CLCN5: variants seen among roughly 807,000 people sequenced by gnomAD.
The protein encoded by CLCN5 is Cl-/H+ antiporter 5.
CLCN5 carries 17 observed loss-of-function variants against 54.0 expected under a neutral mutation model. The observed-to-expected ratio is 0.31, with a 90% CI of 0.22 to 0.47. The LOEUF is 0.47. CLCN5 is among the 20% of genes least tolerant of loss of function. CLCN5 has a pLI of 1.00. For missense variants in CLCN5, 448 were observed against 646.7 expected, an observed-to-expected ratio of 0.69 and a Z score of 3.33; for synonymous variants, 222 against 233.0, an observed-to-expected ratio of 0.95 and a Z score of 0.43.
intron 3 of CLCN5, among the ~76,000 whole-genome samples, chrX:49,930,572 G>A (rs1925590263): frequency 9.0e-6 from 1 of 110,994 alleles, no homozygotes; most frequent in Non-Finnish European, 1.9e-5. Context: ...CAGGGAGTGG[G>A]GGAGCAGGGA....
At chrX:50,018,639 TTTAA>T (rs1930905412) in intron 3 of CLCN5, among the ~76,000 whole-genome samples, 1 of 112,087 alleles carries the variant, frequency 8.9e-6, no homozygotes, top group Admixed American at 9.5e-5. Context: ...CTATTCCTAG[TTTAA>T]TTAGAGTTTT....
chrX:50,004,907 T>A (rs1264367247), intron 3 of CLCN5, among the ~76,000 whole-genome samples: 1 of 111,417 alleles, frequency 9.0e-6, no homozygotes, highest in Admixed American at 9.5e-5. Context: ...CGAGGCTTCA[T>A]CTCAAAAAGA....
At chrX:50,067,484 T>C (rs192168812) in intron 4 of CLCN5, 2 of 423,724 alleles carry the variant, frequency 4.7e-6, no homozygotes, top group South Asian at 1.2e-4. Context: ...TCTTTAAGGC[T>C]TCTGTGCCCG....
At chrX:49,975,954 T>G (rs1928457218) in intron 3 of CLCN5, among the ~76,000 whole-genome samples, 1 of 111,724 alleles carries the variant, frequency 9.0e-6, no homozygotes. Context: ...GGAGATGTTG[T>G]TCATTGTCAA....
At chrX:50,074,884 G>T (rs991090184) in intron 6 of CLCN5, among the ~76,000 whole-genome samples, 5 of 111,566 alleles carry the variant, frequency 4.5e-5, no homozygotes, top group Non-Finnish European at 7.5e-5. Flanking sequence ...GCATGATTCT[G>T]GGCCATTTAA....
chrX:50,090,536 T>C, intron 13 of CLCN5, 22 bp downstream of exon 13: 2 of 1,194,838 alleles, frequency 1.7e-6, no homozygotes, highest in Non-Finnish European at 2.3e-6. Flanking sequence ...AGAAAGGGGA[T>C]AGTGGAATCC....
chrX:49,983,120 G>T (rs781848685), intron 3 of CLCN5, among the ~76,000 whole-genome samples: 1 of 111,866 alleles, frequency 8.9e-6, no homozygotes, highest in East Asian at 2.8e-4. Context: ...ATCAGAGTTG[G>T]TTCAATCACA....
intron 3 of CLCN5, among the ~76,000 whole-genome samples, chrX:49,926,169 T>TC (rs1925329711): frequency 8.9e-6 from 1 of 112,326 alleles, no homozygotes; most frequent in Non-Finnish European, 1.9e-5. Context: ...TTTAAAAATG[T>TC]TTCATTGTGT....
chrX:50,008,001 A>G (rs1557181757), intron 3 of CLCN5, among the ~76,000 whole-genome samples: 2 of 111,982 alleles, frequency 1.8e-5, no homozygotes, highest in Non-Finnish European at 3.8e-5. Flanking sequence ...TAGCATCAGT[A>G]TCACCTGAGA....
At chrX:49,996,540 C>T (rs1298069619) in intron 3 of CLCN5, among the ~76,000 whole-genome samples, 1 of 112,526 alleles carries the variant, frequency 8.9e-6, no homozygotes, top group Non-Finnish European at 1.9e-5. Flanking sequence ...ACTGTCTTCA[C>T]AGTCTTCATG....
intron 3 of CLCN5, chrX:50,003,047 C>A (rs1020584681): frequency 3.5e-6 from 1 of 285,949 alleles, no homozygotes; most frequent in African/African-American, 2.7e-5. Flanking sequence ...TGTGAATGTA[C>A]ACAAGCACAC....
chrX:50,080,326 T>C (rs1933637495), intron 7 of CLCN5, among the ~76,000 whole-genome samples: 1 of 111,838 alleles, frequency 8.9e-6, no homozygotes, highest in African/African-American at 3.3e-5. Flanking sequence ...TTTTGTTTCA[T>C]GGTTTTCCGT....
chrX:50,045,498 T>C (rs2147482845), intron 4 of CLCN5, among the ~76,000 whole-genome samples: 1 of 112,350 alleles, frequency 8.9e-6, no homozygotes, highest in Admixed American at 9.4e-5. Context: ...TAGAAAATGG[T>C]ATCCATCATC....
chrX:49,942,607 A>G (rs1301570101), intron 3 of CLCN5, among the ~76,000 whole-genome samples: 2 of 81,230 alleles, frequency 2.5e-5, no homozygotes, highest in Non-Finnish European at 4.3e-5. Flanking sequence ...TCCTGCGTCC[A>G]AGTGTTCTCA....
At chrX:49,985,839 A>G (rs1487112912) in intron 3 of CLCN5, among the ~76,000 whole-genome samples, 1 of 111,650 alleles carries the variant, frequency 9.0e-6, no homozygotes, top group African/African-American at 3.2e-5. Context: ...CATTTTAAAC[A>G]TGTATTTTTA....
intron 3 of CLCN5, among the ~76,000 whole-genome samples, chrX:49,980,299 C>A (rs781999232): frequency 4.5e-5 from 5 of 110,678 alleles, no homozygotes; most frequent in Non-Finnish European, 9.5e-5. Context: ...TAAAACAGCC[C>A]AAAATGCTTT....
chrX:49,974,548 C>A (rs370250941), intron 3 of CLCN5, among the ~76,000 whole-genome samples: 2 of 111,153 alleles, frequency 1.8e-5, no homozygotes, highest in East Asian at 5.6e-4. Flanking sequence ...GCTATGAAAC[C>A]CATTTAAAGA....
chrX:49,950,348 G>A (rs1926982471), intron 3 of CLCN5, among the ~76,000 whole-genome samples: 1 of 111,991 alleles, frequency 8.9e-6, no homozygotes, highest in African/African-American at 3.2e-5. Flanking sequence ...AATACACTTG[G>A]TTTTTTAAGC....
At chrX:49,973,574 G>A (rs1049472095) in intron 3 of CLCN5, among the ~76,000 whole-genome samples, 2 of 103,666 alleles carry the variant, frequency 1.9e-5, no homozygotes, top group Admixed American at 1.1e-4. Context: ...TATAATTCAC[G>A]TATTATACAA....
Sources: allele counts gnomAD v4.1 joint callset (sites outside exome capture counted in the v4.1 genomes callset), GRCh38; gene constraint gnomAD v4.1.1; transcripts MANE v1.5; gene names NCBI Gene and HGNC (gene_info 2026-07-23, HGNC 2026-07-21).